RAD54B: variants seen among roughly 807,000 people sequenced by gnomAD.
RAD54B encodes the protein RAD54 homolog B, also known as DNA repair and recombination protein RAD54B.
RAD54B carries 78 observed loss-of-function variants against 95.8 expected under a neutral mutation model. The ratio of observed to expected loss-of-function variants is 0.81; its 90% confidence interval spans 0.68 to 0.98. The LOEUF (loss-of-function observed/expected upper bound fraction) is 0.98. Among genes scored for constraint, RAD54B ranks in the 50% least tolerant of loss-of-function variants. The pLI, the probability that RAD54B is intolerant of heterozygous loss-of-function variation, is 0.00. For synonymous variants in RAD54B, 328 were observed against 354.9 expected, an observed-to-expected ratio of 0.92 and a Z score of 0.85; for missense variants, 957 against 1,056.6, an observed-to-expected ratio of 0.91 and a Z score of 1.31.
intron 3 of RAD54B, 74 bp from the exon 4 acceptor site, chr8:94,411,389 C>T (rs1256683613): frequency 8.9e-7 from 1 of 1,128,982 alleles, no homozygotes; most frequent in African/African-American, 1.6e-5. Context: ...TCAAACAAAA[C>T]CAAAAGGCAC....
chr8:94,419,465 G>A (rs1248917207), intron 3 of RAD54B, among the ~76,000 whole-genome samples: 1 of 152,030 alleles, frequency 6.6e-6, no homozygotes, highest in Non-Finnish European at 1.5e-5. Flanking sequence ...CCGAGATCAT[G>A]CCACTGCACT....
intron 3 of RAD54B, chr8:94,431,116 G>C (rs1812082026): frequency 3.1e-6 from 3 of 956,324 alleles, no homozygotes; most frequent in Non-Finnish European, 3.7e-6. Context: ...ATACATATTA[G>C]AGATTTAATA....
intron 6 of RAD54B, among the ~76,000 whole-genome samples, chr8:94,401,369 T>C (rs1431529999): frequency 2.0e-5 from 3 of 152,154 alleles, no homozygotes; most frequent in Non-Finnish European, 4.4e-5. Flanking sequence ...CTACTCAACA[T>C]GATAAGGATG....
intron 11 of RAD54B, among the ~76,000 whole-genome samples, chr8:94,383,569 G>A (rs1344551671): frequency 6.6e-6 from 1 of 152,148 alleles, no homozygotes; most frequent in Non-Finnish European, 1.5e-5. Context: ...TGTTATGATT[G>A]TTCTATTATT....
intron 6 of RAD54B, among the ~76,000 whole-genome samples, chr8:94,402,117 C>G (rs923945764): frequency 5.3e-5 from 8 of 152,010 alleles, no homozygotes; most frequent in African/African-American, 1.9e-4. Context: ...ACTACCATCA[C>G]GATTTGTTGT....
At chr8:94,435,732 G>A (rs994163657) in intron 3 of RAD54B, among the ~76,000 whole-genome samples, 2 of 151,858 alleles carry the variant, frequency 1.3e-5, no homozygotes, top group African/African-American at 2.4e-5. Flanking sequence ...TTGCTCTTAG[G>A]GGTATTTTAA....
At chr8:94,434,318 T>C (rs1468904568) in intron 3 of RAD54B, among the ~76,000 whole-genome samples, 3 of 151,672 alleles carry the variant, frequency 2.0e-5, no homozygotes, top group African/African-American at 7.3e-5. Context: ...GCTAAAACAT[T>C]ACAACTAAGG....
chr8:94,466,430 C>A (rs1388713870), intron 2 of RAD54B, among the ~76,000 whole-genome samples: 1 of 149,642 alleles, frequency 6.7e-6, no homozygotes, highest in Non-Finnish European at 1.5e-5. Context: ...TTGGGGGGGA[C>A]GGAGTCTTGC....
chr8:94,422,644 A>G (rs956823719), intron 3 of RAD54B, among the ~76,000 whole-genome samples: 2 of 122,400 alleles, frequency 1.6e-5, no homozygotes, highest in African/African-American at 2.9e-5. Context: ...ATATATATAT[A>G]TATATATATA....
chr8:94,435,533 AAGG>A (rs1812231294), intron 3 of RAD54B, among the ~76,000 whole-genome samples: 1 of 152,126 alleles, frequency 6.6e-6, no homozygotes, highest in African/African-American at 2.4e-5. Context: ...TCAAACTAAC[AAGG>A]AGTTTACAAT....
intron 3 of RAD54B, among the ~76,000 whole-genome samples, chr8:94,451,994 G>C (rs1156313205): frequency 5.9e-5 from 9 of 152,180 alleles, no homozygotes; most frequent in Admixed American, 5.9e-4. Flanking sequence ...ATTTCCCACA[G>C]ATCTAAAGGC....
intron 3 of RAD54B, among the ~76,000 whole-genome samples, chr8:94,456,108 T>C (rs578166231): frequency 6.6e-6 from 1 of 152,298 alleles, no homozygotes; most frequent in South Asian, 2.1e-4. Flanking sequence ...TCAAAAAAGA[T>C]AGAAGTGGGT....
chr8:94,458,946 A>G (rs1487719314), intron 2 of RAD54B, among the ~76,000 whole-genome samples: 1 of 152,160 alleles, frequency 6.6e-6, no homozygotes, highest in Non-Finnish European at 1.5e-5. Context: ...TGCTACTAAA[A>G]CTGAATGATA....
intron 3 of RAD54B, among the ~76,000 whole-genome samples, chr8:94,424,372 G>T (rs1373135814): frequency 6.6e-6 from 1 of 152,178 alleles, no homozygotes; most frequent in Non-Finnish European, 1.5e-5. Flanking sequence ...GTGAATATAT[G>T]TAAAACACAA....
intron 10 of RAD54B, 123 bp downstream of exon 10, chr8:94,391,486 G>T: frequency 2.1e-6 from 2 of 963,872 alleles, no homozygotes; most frequent in Non-Finnish European, 3.0e-6. Context: ...ATACTAGATA[G>T]CCAGCAGAGC....
intron 3 of RAD54B, among the ~76,000 whole-genome samples, chr8:94,437,915 C>T (rs1039834381): frequency 6.6e-6 from 1 of 152,132 alleles, no homozygotes; most frequent in African/African-American, 2.4e-5. Context: ...GTAAGCAAGA[C>T]AAACCTATTT....
chr8:94,399,523 T>C lies in RAD54B; in HGVS notation c.1269A>G (p.Ile423Met), dbSNP rs1443039735. 1.2e-6 allele frequency: 2 copies of C among 1,613,052 alleles called. No homozygotes were observed. The highest frequency in any genetic ancestry group is 1.7e-6 in the Non-Finnish European group (2 of 1,179,356). The change falls in exon 8 of 15, where the codon ATA becomes ATG. Residue 423 changes from isoleucine to methionine, a missense_variant. Coordinates refer to ENST00000336148, the MANE Select transcript of RAD54B (RefSeq NM_012415.3). ...CGTCACAGATTAGAAGATCAAATTT[T>C]ATATTCTTAATTTGATCCAGGGAAC... ...LLRSLDQIKN[I>M]KFDLLICDEG...
chr8:94,410,275 A>C (rs1294726925), intron 4 of RAD54B, among the ~76,000 whole-genome samples: 1 of 152,110 alleles, frequency 6.6e-6, no homozygotes, highest in Non-Finnish European at 1.5e-5. Flanking sequence ...TTATGCTCCC[A>C]CTGCTTCCTG....
intron 9 of RAD54B, among the ~76,000 whole-genome samples, chr8:94,392,859 A>T: frequency 7.5e-6 from 1 of 134,114 alleles, no homozygotes; most frequent in Non-Finnish European, 1.6e-5. Context: ...TTTTTTTGAG[A>T]TGGAGTTTCA....
Sources: gnomAD v4.1 joint callset for allele counts (sites outside exome capture counted in the v4.1 genomes callset) on GRCh38, gnomAD v4.1.1 for gene constraint, MANE v1.5 for transcripts, NCBI Gene and HGNC (gene_info 2026-07-23, HGNC 2026-07-21) for gene names.